The following LGI4 variants were observed in gnomAD, a reference collection of about 807,000 sequenced individuals.
LGI4 encodes leucine-rich repeat LGI family member 4.
LGI4 carries 36 observed loss-of-function variants against 48.3 expected under a neutral mutation model. The observed-to-expected ratio is 0.75, with a 90% CI of 0.57 to 0.98. LGI4 has a LOEUF of 0.98. Ranked by LOEUF, LGI4 falls within the 50% of genes least tolerant of loss-of-function variation. The probability of loss-of-function intolerance (pLI) is 0.00; values close to 1 mark genes in which losing one functional copy is unlikely to be tolerated. For missense variants in LGI4, 701 were observed against 732.1 expected (o/e 0.96, Z 0.49); for synonymous variants, 355 against 331.6 (o/e 1.07, Z -0.77).
chr19:35,125,469 C>T lies in LGI4; in HGVS notation c.1338G>A (p.Gln446=). The T allele has an allele frequency of 6.3e-7, 1 of 1,586,776 alleles. No homozygotes were observed. The highest frequency in any genetic ancestry group is 8.6e-7 in the Non-Finnish European group (1 of 1,164,488). The change falls in exon 9 of 9, where the codon CAG becomes CAA. Residue 446 remains glutamine (Q), a synonymous_variant. Coordinates refer to ENST00000310123, the MANE Select transcript of LGI4 (RefSeq NM_139284.3). The part of the protein sequence containing the change: ...RWDGSMFRLL[Q]QLPSRGAHVF... ...CGTGGGCACCGCGCGAGGGAAGTTG[C>T]TGCAGCAGACGAAACATGGAGCCGT...
chr19:35,130,591 T>A (rs894723522), intron 6 of LGI4, among the ~76,000 whole-genome samples: 5 of 152,176 alleles, frequency 3.3e-5, no homozygotes, highest in Non-Finnish European at 7.3e-5. Flanking sequence ...CAGCTATTTG[T>A]CAGGCTTAGG....
rs1354777243 is a variant in LGI4, at chr19:35,126,709, A to C, written c.860T>G (p.Leu287Arg). ...GGCCCACAGCTGTGAGCCCCCCCAC[A>C]GGCGGGCAGCCAGCACGAAGAGGCT... is the stretch of plus-strand genomic sequence containing the variant. ...GPSLFVLAAR[L>R]WGGSQLWARP... The change falls in exon 8 of 9, where the codon CTG becomes CGG. Residue 287 changes from leucine (L) to arginine (R), a missense_variant. Transcript: ENST00000310123. The C allele has an allele frequency of 6.5e-6, 10 of 1,538,654 alleles. No individual in the cohort carries two copies. Among genetic ancestry groups the C allele is most frequent in the Non-Finnish European group, 8.7e-6 (10 of 1,147,264 alleles).
At chr19:35,131,628 C>T in intron 5 of LGI4, 73 bp from the exon 6 acceptor site, 1 of 1,507,718 alleles carries the variant, frequency 6.6e-7, no homozygotes, top group Non-Finnish European at 8.9e-7. Context: ...GCCCCCACCT[C>T]AGGCAAGTGT....
In LGI4 at chr19:35,133,398, CAGGG is replaced by C. The variant is rs1347703913; in HGVS notation, c.314+291_314+294del. 1.0e-5 allele frequency: 13 copies of C among 1,249,920 alleles called. No homozygotes were observed. In the East Asian group the frequency reaches 2.6e-4, roughly 25 times the overall value. The allele number at this position is 1,249,920 out of a possible 1,614,324, so 77.4% of individuals were successfully genotyped here. ...ACACCCTTCCTGGGTTTCTATGAGT[CAGGG>C]AGAGCCAGAATCAGGCTCTGGTTAT... On this transcript the variant is annotated intron_variant, in intron 3 of 8. Transcript: ENST00000310123.
chr19:35,126,488 A>G lies in LGI4; in HGVS notation c.1081T>C (p.Trp361Arg). ...GCCTCAGCGTCCGTGTCCCGGTGCC[A>G]GGCGTGCAGGCTCTGGTGCGGGTAA... ...GFYPHQSLHA[W>R]HRDTDAEALE... is the part of the protein sequence containing the mutation. The change falls in exon 8 of 9, where the codon TGG (tryptophan) becomes CGG (arginine). Residue 361 changes from tryptophan (W) to arginine (R), a missense_variant. Around this residue, in one of 3 missense-constraint regions of LGI4, gnomAD observed 223 missense variants for 263.3 expected, o/e 0.85. Coordinates refer to ENST00000310123, the MANE Select transcript of LGI4 (RefSeq NM_139284.3). 1 of 1,559,066 alleles carries G rather than the reference A, an allele frequency of 6.4e-7. No homozygotes were observed. Among genetic ancestry groups the G allele is most frequent in the Non-Finnish European group, 8.6e-7 (1 of 1,156,390 alleles).
Position 35,125,349 on chromosome 19 carries a change from C to A in LGI4, c.1458G>T (p.Gly486=), listed in dbSNP as rs554935203. 2.5e-6 allele frequency: 4 copies of A among 1,613,338 alleles called. No homozygotes were observed. The East Asian group carries it at 8.9e-5, about 36-fold the overall frequency. The change falls in exon 9 of 9, where the codon GGG becomes GGT. Residue 486 remains glycine, a synonymous_variant. Coordinates refer to ENST00000310123, the MANE Select transcript of LGI4 (RefSeq NM_139284.3). The part of the protein sequence containing the change: ...SQVLRLEPDK[G]LLEPLQELGP... The stretch of plus-strand genomic sequence containing the variant: ...CCAGCTCCTGCAGTGGCTCCAGGAG[C>A]CCCTTGTCAGGCTCAAGGCGGAGGA...
chr19:35,129,494 G>A (rs2145364069), intron 6 of LGI4, among the ~76,000 whole-genome samples: 1 of 152,242 alleles, frequency 6.6e-6, no homozygotes, highest in African/African-American at 2.4e-5. Context: ...CCCCAACCCT[G>A]TGCTCACAGA....
chr19:35,130,483 A>G (rs2065167465), intron 6 of LGI4, among the ~76,000 whole-genome samples: 1 of 152,128 alleles, frequency 6.6e-6, no homozygotes, highest in Admixed American at 6.5e-5. Flanking sequence ...CCAGAAGTTC[A>G]AGACCAGCCT....
At chr19:35,131,214 T>G in intron 6 of LGI4, 172 bp downstream of exon 6, 1 of 790,780 alleles carries the variant, frequency 1.3e-6, no homozygotes, top group Non-Finnish European at 2.1e-6. Flanking sequence ...ATATCACTGT[T>G]TATTACCCCC....
rs1049528676 is a variant in LGI4, at chr19:35,126,552, C to T, written c.1017G>A (p.Ala339=). ...CGCGGCACAGCAGCGTGGTGCTGCC[C>T]GCCTTGGAGGCATCGGCCACCACGA... ...PCFVVADASK[A]GSTTLLCRDG... The change falls in exon 8 of 9, where the codon GCG becomes GCA. Residue 339 remains alanine, a synonymous_variant. Coordinates refer to ENST00000310123, the MANE Select transcript of LGI4 (RefSeq NM_139284.3). The T allele has an allele frequency of 3.9e-6, 6 of 1,540,138 alleles. No individual in the cohort carries two copies. The highest frequency in any genetic ancestry group is 1.4e-5 in the African/African-American group (1 of 73,366).
In LGI4 at chr19:35,125,880, A is replaced by T. The variant is rs912106236; in HGVS notation, c.1300-373T>A. On this transcript the variant is annotated intron_variant, in intron 8 of 8. Coordinates refer to ENST00000310123, the MANE Select transcript of LGI4 (RefSeq NM_139284.3). ...CACCCAGAGACCTTGTGAACACCTG[A>T]GTCAGATCAGGGCCCTTCCAGACTC... is the stretch of plus-strand genomic sequence containing the variant. 1.1e-5 allele frequency: 6 copies of T among 553,534 alleles called. No individual in the cohort carries two copies. The African/African-American group carries it at 1.1e-4, about 10-fold the overall frequency. The allele number at this position is 553,534 out of a possible 1,614,324, so 34.3% of individuals were successfully genotyped here. A position where few individuals can be genotyped will look rare whatever the true frequency, so the allele number is the denominator to read the frequency against.
intron 8 of LGI4, 163 bp downstream of exon 8, chr19:35,126,107 C>T (rs902595836): frequency 1.5e-5 from 11 of 725,512 alleles, no homozygotes; most frequent in African/African-American, 7.1e-5. Flanking sequence ...GGGAGTGGTT[C>T]GGAGTCAGCC....
chr19:35,131,383 C>T lies in LGI4; in HGVS notation c.628+3G>A, dbSNP rs922002298. On this transcript the variant is annotated splice_donor_region_variant and intron_variant, in intron 6 of 8. Coordinates refer to ENST00000310123, the MANE Select transcript of LGI4 (RefSeq NM_139284.3). ...CTCCCACCCCATCGGGAAAGCCCCC[C>T]ACCTATGGCTCTGCACTTGAAAGTC... 5 of 1,549,468 alleles carry T rather than the reference C, an allele frequency of 3.2e-6. No homozygotes were observed. The highest frequency in any genetic ancestry group is 2.0e-5 in the Admixed American group (1 of 50,620).
At chr19:35,131,587 CCGGCT>C (rs1568396294) in intron 5 of LGI4, 32 bp from the exon 6 acceptor site, 1 of 1,541,984 alleles carries the variant, frequency 6.5e-7, no homozygotes. Context: ...GGGCTGCGAC[CCGGCT>C]TCCACGCCCT....
At chr19:35,127,147 A>G in intron 6 of LGI4, 130 bp from the exon 7 acceptor site, 1 of 951,618 alleles carries the variant, frequency 1.1e-6, no homozygotes, top group Non-Finnish European at 1.5e-6. Flanking sequence ...TATAACTGGA[A>G]TCTTGATCTG....
chr19:35,131,468 G>C lies in LGI4; in HGVS notation c.546C>G (p.Thr182=). The change falls in exon 6 of 9, where the codon ACC becomes ACG. Residue 182 remains threonine (T), a synonymous_variant. Coordinates refer to ENST00000310123, the MANE Select transcript of LGI4 (RefSeq NM_139284.3). ...GGGAGGCGGGGCCCGCACAGGCGCC[G>C]GTCCCCACGCTGGCATTCACGGTGG... ...WMPTVNASVG[T]GACAGPASLS... 1 of 1,551,406 alleles carries C rather than the reference G, an allele frequency of 6.4e-7. No individual in the cohort carries two copies.
rs187713969 is a variant in LGI4, at chr19:35,129,475, T to C, written c.628+1911A>G. 1.3e-3 allele frequency among the ~76,000 whole-genome samples: 203 copies of C among 152,314 alleles called. 3 individuals are homozygous for C. In the South Asian group the frequency reaches 0.033, roughly 25 times the overall value. ...TCTGCTTTGAGATGCTGTTAATTTA[T>C]GAACTTAGCCCCAACCCTGTGCTCA... On this transcript the variant is annotated intron_variant, in intron 6 of 8. Coordinates refer to ENST00000310123, the MANE Select transcript of LGI4 (RefSeq NM_139284.3).
chr19:35,126,104 G>C, intron 8 of LGI4, 166 bp downstream of exon 8: 1 of 714,660 alleles, frequency 1.4e-6, no homozygotes, highest in Non-Finnish European at 2.4e-6. Flanking sequence ...CTGGGGAGTG[G>C]TTCGGAGTCA....
intron 1 of LGI4, 148 bp from the exon 2 acceptor site, chr19:35,134,252 C>T (rs1271835579): frequency 1.2e-5 from 10 of 826,282 alleles, no homozygotes; most frequent in Non-Finnish European, 2.0e-5. Flanking sequence ...AGGCATTTGC[C>T]CTCCTGGCTT....
Sources: allele counts gnomAD v4.1 joint callset (sites outside exome capture counted in the v4.1 genomes callset), GRCh38; gene constraint gnomAD v4.1.1; regional missense constraint gnomAD v4.1.1; transcripts MANE v1.5; gene names NCBI Gene and HGNC (gene_info 2026-07-23, HGNC 2026-07-21).